LYRM1: variants seen among roughly 807,000 people sequenced by gnomAD.
LYRM1 encodes the protein LYR motif-containing protein 1.
A neutral mutation model predicts 14.9 loss-of-function variants in LYRM1; 14 were observed. The ratio of observed to expected loss-of-function variants is 0.94; its 90% confidence interval spans 0.62 to 1.47. The LOEUF (loss-of-function observed/expected upper bound fraction) is 1.47. Among genes scored for constraint, LYRM1 ranks in the 40% most tolerant of loss-of-function variants. The pLI, the probability that LYRM1 is intolerant of heterozygous loss-of-function variation, is 0.00. For synonymous variants in LYRM1, 43 were observed against 56.2 expected (o/e 0.77, Z 1.05); for missense variants, 153 against 149.9 (o/e 1.02, Z -0.11).
intron 1 of LYRM1, among the ~76,000 whole-genome samples, chr16:20,905,004 T>C (rs1447088228): frequency 6.6e-6 from 1 of 152,124 alleles, no homozygotes; most frequent in Non-Finnish European, 1.5e-5. Flanking sequence ...ACAGGGTTAT[T>C]TACTCATACC....
At chr16:20,906,169 G>C (rs1249443063) in intron 1 of LYRM1, among the ~76,000 whole-genome samples, 1 of 152,192 alleles carries the variant, frequency 6.6e-6, no homozygotes, top group East Asian at 1.9e-4. Context: ...TGAACATTAT[G>C]ACAGGGGTAT....
chr16:20,920,724 T>G (rs975540922), intron 3 of LYRM1: 1 of 155,202 alleles, frequency 6.4e-6, no homozygotes, highest in African/African-American at 2.4e-5. Flanking sequence ...CCCATTGCTA[T>G]ACAAAATTTA....
intron 1 of LYRM1, among the ~76,000 whole-genome samples, chr16:20,902,176 G>A (rs773000116): frequency 1.3e-5 from 2 of 152,228 alleles, no homozygotes; most frequent in Non-Finnish European, 2.9e-5. Flanking sequence ...ATATATTTGG[G>A]AGGTAGTGCT....
intron 3 of LYRM1, among the ~76,000 whole-genome samples, chr16:20,922,879 A>C (rs996182774): frequency 6.6e-6 from 1 of 152,144 alleles, no homozygotes; most frequent in Admixed American, 6.6e-5. Context: ...GACCCAGAAG[A>C]AAGCTGGTGG....
At chr16:20,909,751 T>A (rs1448667578) in intron 1 of LYRM1, among the ~76,000 whole-genome samples, 2 of 152,214 alleles carry the variant, frequency 1.3e-5, no homozygotes, top group Non-Finnish European at 2.9e-5. Context: ...TTAAACTTTT[T>A]AAAAAATATA....
chr16:20,906,062 C>A (rs1203999706), intron 1 of LYRM1, among the ~76,000 whole-genome samples: 1 of 152,144 alleles, frequency 6.6e-6, no homozygotes, highest in Non-Finnish European at 1.5e-5. Context: ...ACAAGACAGT[C>A]CCAAATCTCC....
In LYRM1 at chr16:20,910,375, T is replaced by C. The variant is rs190265378; in HGVS notation, c.1-5181T>C. 1.6e-3 allele frequency among the ~76,000 whole-genome samples: 240 copies of C among 152,382 alleles called. 3 individuals are homozygous for C. Among genetic ancestry groups the C allele is most frequent in the African/African-American group, 5.2e-3 (218 of 41,588 alleles). ...CTTGGGTTTTCTGGGTCACCTGATGTTGCAGAGTGAGACATCACATAAATC... is the reference window on the plus strand; with the variant it reads ...CTTGGGTTTTCTGGGTCACCTGATGCTGCAGAGTGAGACATCACATAAATC... On this transcript the variant is annotated intron_variant, in intron 1 of 3. Coordinates refer to ENST00000567954, the MANE Select transcript of LYRM1 (RefSeq NM_001128302.3).
At chr16:20,915,202 G>A (rs747690696) in intron 1 of LYRM1, among the ~76,000 whole-genome samples, 8 of 152,304 alleles carry the variant, frequency 5.3e-5, no homozygotes, top group Non-Finnish European at 4.4e-5. Flanking sequence ...GCTGGGCACG[G>A]TGGCTCACGC....
At position 20,917,341 on chromosome 16, in the gene LYRM1, AGTCT is replaced by A. The variant is rs1242821389; in HGVS notation, c.159+1633_159+1636del. 3.9e-5 allele frequency among the ~76,000 whole-genome samples: 6 copies of A among 152,196 alleles called. No homozygotes were observed. In the South Asian group the frequency reaches 6.2e-4, roughly 16 times the overall value. On this transcript the variant is annotated intron_variant, in intron 2 of 3. Coordinates refer to ENST00000567954, the MANE Select transcript of LYRM1 (RefSeq NM_001128302.3). ...TATTTATCCTTTCATCTTTCTAAAA[AGTCT>A]GTCTGGTACACAGTTACAATGAACT...
intron 3 of LYRM1, among the ~76,000 whole-genome samples, chr16:20,922,862 A>G (rs572611612): frequency 6.6e-6 from 1 of 152,202 alleles, no homozygotes; most frequent in South Asian, 2.1e-4. Flanking sequence ...GCCGTCTGCA[A>G]GCTGGAGACC....
chr16:20,915,722 G>A lies in LYRM1; in HGVS notation c.159+8G>A. The A allele has an allele frequency of 6.2e-7, 1 of 1,613,192 alleles. No individual in the cohort carries two copies. Among genetic ancestry groups the A allele is most frequent in the Non-Finnish European group, 8.5e-7 (1 of 1,179,400 alleles). Reference sequence around the variant, plus strand: ...TTCCGGAAAAACAAAAATGTAAGTAGGCCCCACTTGGAGATTGTGCAGAGG... The same window carrying A: ...TTCCGGAAAAACAAAAATGTAAGTAAGCCCCACTTGGAGATTGTGCAGAGG... On this transcript the variant is annotated splice_region_variant and intron_variant, in intron 2 of 3. Transcript: ENST00000567954.
At chr16:20,921,425 C>CA (rs1488078945) in intron 3 of LYRM1, 1 of 151,816 alleles carries the variant, frequency 6.6e-6, no homozygotes, top group Non-Finnish European at 1.5e-5. Context: ...TTTTTGGAGA[C>CA]AGAGTCTTAC....
rs889834602 is a variant in LYRM1, at chr16:20,920,234, A to G, written c.252+20A>G. 1 of 1,554,636 alleles carries G rather than the reference A, an allele frequency of 6.4e-7. No homozygotes were observed. Among genetic ancestry groups the G allele is most frequent in the Non-Finnish European group, 8.9e-7 (1 of 1,125,804 alleles). ...AGGCCAGTAAGTGTGACTCCGGTTA[A>G]CAAGTGCTGGGTACTTACCCTCATC... On this transcript the variant is annotated intron_variant, in intron 3 of 3. Transcript: ENST00000567954.
Position 20,924,082 on chromosome 16 carries a change from C to T in LYRM1, c.335C>T (p.Pro112Leu). 3 of 1,609,840 alleles carry T rather than the reference C, an allele frequency of 1.9e-6. No homozygotes were observed. The highest frequency in any genetic ancestry group is 2.5e-6 in the Non-Finnish European group (3 of 1,176,842). ...GAGAAACTGAGGAAACTTTCCAAAC[C>T]AGTATATCTCAGATCTCATGATGAA... ...SQEKLRKLSKPVYLRSHDEVS is the reference protein window; with the variant it reads ...SQEKLRKLSKLVYLRSHDEVS Residue 112 changes from proline to leucine, a missense_variant, in exon 4 of 4, where the codon CCA becomes CTA. By Grantham distance (98) the Pro-to-Leu change is moderately conservative. Transcript: ENST00000567954.
In LYRM1 at chr16:20,906,220, C is replaced by T. The variant is rs530562437; in HGVS notation, c.-1+5331C>T. On this transcript the variant is annotated intron_variant, in intron 1 of 3. Transcript: ENST00000567954. Reference sequence around the variant, plus strand: ...AGTGCACATAGCCGGGACACTGACCCAGCCCCAGTGTGAAAAGGGCACCCG... The same window carrying T: ...AGTGCACATAGCCGGGACACTGACCTAGCCCCAGTGTGAAAAGGGCACCCG... 2.0e-5 allele frequency among the ~76,000 whole-genome samples: 3 copies of T among 152,272 alleles called. No individual in the cohort carries two copies. The East Asian group carries it at 5.8e-4, about 29-fold the overall frequency.
intron 1 of LYRM1, among the ~76,000 whole-genome samples, chr16:20,907,157 A>G (rs75166560): frequency 6.6e-6 from 1 of 152,178 alleles, no homozygotes; most frequent in Non-Finnish European, 1.5e-5. Context: ...ATAAGTAGTT[A>G]TGATATACAG....
intron 1 of LYRM1, among the ~76,000 whole-genome samples, chr16:20,910,137 A>G (rs1234510024): frequency 6.6e-6 from 1 of 152,260 alleles, no homozygotes; most frequent in Non-Finnish European, 1.5e-5. Flanking sequence ...AAAGCCTTCT[A>G]GAAAGAGAAA....
intron 3 of LYRM1, chr16:20,920,484 A>C (rs905261598): frequency 5.1e-6 from 2 of 394,668 alleles, no homozygotes; most frequent in Non-Finnish European, 9.1e-6. Context: ...TTTCACTTTC[A>C]TCTTTTTTAT....
At chr16:20,917,850 T>C (rs2082987933) in intron 2 of LYRM1, among the ~76,000 whole-genome samples, 1 of 152,074 alleles carries the variant, frequency 6.6e-6, no homozygotes. Context: ...ATTTTATTTA[T>C]GTTGGCATGG....
Sources: allele counts gnomAD v4.1 joint callset (sites outside exome capture counted in the v4.1 genomes callset), GRCh38; gene constraint gnomAD v4.1.1; transcripts MANE v1.5; gene names NCBI Gene and HGNC (gene_info 2026-07-23, HGNC 2026-07-21).